CD226: variants seen among roughly 807,000 people sequenced by gnomAD.
The protein encoded by CD226 is CD226 antigen.
CD226 carries 24 observed loss-of-function variants against 34.9 expected under a neutral mutation model. The ratio of observed to expected loss-of-function variants is 0.69; its 90% CI spans 0.50 to 0.97. The LOEUF (loss-of-function observed/expected upper bound fraction) is 0.97. Ranked by LOEUF, CD226 falls within the 50% of genes least tolerant of loss-of-function variation. The pLI is 0.00. For synonymous variants in CD226, 148 were observed against 147.4 expected, an observed-to-expected ratio of 1.00 and a Z score of -0.03; for missense variants, 397 against 412.7, an observed-to-expected ratio of 0.96 and a Z score of 0.33.
chr18:69,916,531 CAAT>C (rs2055388018), intron 2 of CD226, among the ~76,000 whole-genome samples: 2 of 152,150 alleles, frequency 1.3e-5, no homozygotes, highest in South Asian at 4.1e-4. Flanking sequence ...CAACAAGAAA[CAAT>C]GATGTGTTTG....
intron 4 of CD226, among the ~76,000 whole-genome samples, chr18:69,871,884 C>T (rs896759754): frequency 1.3e-5 from 2 of 152,112 alleles, no homozygotes; most frequent in African/African-American, 4.8e-5. Context: ...CATGCCAACC[C>T]AGCCTTCAGA....
At chr18:69,939,554 T>C (rs985280882) in intron 2 of CD226, among the ~76,000 whole-genome samples, 1 of 152,228 alleles carries the variant, frequency 6.6e-6, no homozygotes, top group African/African-American at 2.4e-5. Context: ...TTGCAATCAC[T>C]GTTGCTATAA....
chr18:69,956,014 C>T (rs2055894602), intron 1 of CD226, among the ~76,000 whole-genome samples: 1 of 152,182 alleles, frequency 6.6e-6, no homozygotes, highest in African/African-American at 2.4e-5. Context: ...GCAAGTCATA[C>T]ACATGTCCCC....
At chr18:69,928,403 G>A (rs779784833) in intron 2 of CD226, among the ~76,000 whole-genome samples, 23 of 152,120 alleles carry the variant, frequency 1.5e-4, no homozygotes, top group Non-Finnish European at 2.8e-4. Context: ...CCTCATTCAG[G>A]ACAGGAGGCG....
intron 2 of CD226, among the ~76,000 whole-genome samples, chr18:69,905,539 G>C (rs536958376): frequency 2.8e-4 from 43 of 152,322 alleles, no homozygotes; most frequent in Admixed American, 8.5e-4. Flanking sequence ...CAGAGAAGGA[G>C]AGTGAGTGGA....
chr18:69,925,252 C>T (rs111237932), intron 2 of CD226, among the ~76,000 whole-genome samples: 16 of 152,324 alleles, frequency 1.1e-4, no homozygotes, highest in African/African-American at 3.8e-4. Context: ...GAGAGTCTCA[C>T]TGCTATGTCT....
rs1982962309 is a variant in CD226 at position 69,863,852 on chromosome 18, C to T, written c.*462G>A. ...AAATTTGTTTGCTCCATTTGAGAAG[C>T]AAACTCTCTACCAGACAGAAACAAG... On this transcript the variant is annotated 3_prime_UTR_variant, in exon 6 of 6. Coordinates refer to ENST00000582621, the MANE Select transcript of CD226 (RefSeq NM_001303618.2). 1 of 152,924 alleles carries T rather than the reference C, an allele frequency of 6.5e-6. No homozygotes were observed. Among genetic ancestry groups the T allele is most frequent in the African/African-American group, 2.4e-5 (1 of 41,440 alleles). The allele number at this position is 152,924 out of a possible 1,614,324, so 9.5% of individuals were successfully genotyped here.
At chr18:69,924,330 T>C (rs1438164299) in intron 2 of CD226, among the ~76,000 whole-genome samples, 2 of 152,172 alleles carry the variant, frequency 1.3e-5, no homozygotes, top group Non-Finnish European at 2.9e-5. Context: ...GAAATTTATA[T>C]TGCATTGCGG....
At chr18:69,874,016 C>CA (rs1272472083) in intron 3 of CD226, among the ~76,000 whole-genome samples, 2 of 149,702 alleles carry the variant, frequency 1.3e-5, no homozygotes, top group Non-Finnish European at 2.9e-5. Flanking sequence ...GGTAATGATA[C>CA]AAAAAATCAG....
At chr18:69,873,031 A>G (rs895054187) in intron 4 of CD226, 113 bp downstream of exon 4, 1 of 719,384 alleles carries the variant, frequency 1.4e-6, no homozygotes, top group African/African-American at 1.8e-5. Flanking sequence ...GTGTTAGAAC[A>G]GTACTCACAA....
chr18:69,919,262 T>C (rs1400102742), intron 2 of CD226, among the ~76,000 whole-genome samples: 6 of 152,188 alleles, frequency 3.9e-5, no homozygotes, highest in Non-Finnish European at 5.9e-5. Flanking sequence ...GTTTCCATAA[T>C]GCTCAAACTG....
At chr18:69,913,745 G>T (rs2145292549) in intron 2 of CD226, among the ~76,000 whole-genome samples, 1 of 152,326 alleles carries the variant, frequency 6.6e-6, no homozygotes, top group Admixed American at 6.5e-5. Context: ...TGTGGGCAGA[G>T]AACTCTTTTT....
rs909598621 is a variant in CD226 at position 69,864,032 on chromosome 18, AAGCCCTGGTAAAT to A, written c.*269_*281del. ...ATACTTAATTCTAGACACAACATTT[AAGCCCTGGTAAAT>A]AGCCCTTGCCCAAAGCTTAATCTCC... On this transcript the variant is annotated 3_prime_UTR_variant, in exon 6 of 6. Transcript: ENST00000582621. 17 of 259,736 alleles carry A rather than the reference AAGCCCTGGTAAAT, an allele frequency of 6.5e-5. No homozygotes were observed. In the Admixed American group the frequency reaches 8.6e-4, roughly 13 times the overall value. 16.1% of individuals were successfully genotyped at this position (259,736 alleles called of 1,614,324 possible).
chr18:69,909,870 GAA>G (rs2055302834), intron 2 of CD226, among the ~76,000 whole-genome samples: 1 of 152,186 alleles, frequency 6.6e-6, no homozygotes, highest in African/African-American at 2.4e-5. Flanking sequence ...TTGAAATAGA[GAA>G]TATTGGAAAG....
At chr18:69,900,270 G>A (rs1173762155) in intron 2 of CD226, among the ~76,000 whole-genome samples, 1 of 152,060 alleles carries the variant, frequency 6.6e-6, no homozygotes, top group Admixed American at 6.5e-5. Context: ...ACAGACACTG[G>A]GTCTAGTTGA....
intron 2 of CD226, among the ~76,000 whole-genome samples, chr18:69,946,378 G>A (rs904384000): frequency 1.3e-5 from 2 of 151,768 alleles, no homozygotes; most frequent in African/African-American, 2.4e-5. Flanking sequence ...CCAGCAGAAG[G>A]GAATGGTGCT....
chr18:69,896,142 T>C, intron 2 of CD226, 97 bp from the exon 3 acceptor site: 1 of 1,466,208 alleles, frequency 6.8e-7, no homozygotes, highest in Non-Finnish European at 9.0e-7. Context: ...TGATGTTACC[T>C]AACACAGTTC....
chr18:69,912,696 TG>T (rs1305142884), intron 2 of CD226, among the ~76,000 whole-genome samples: 1 of 152,256 alleles, frequency 6.6e-6, no homozygotes, highest in Non-Finnish European at 1.5e-5. Context: ...AGCTATAGTT[TG>T]AGGACTTATT....
At chr18:69,879,001 G>A (rs573723416) in intron 3 of CD226, among the ~76,000 whole-genome samples, 3 of 152,248 alleles carry the variant, frequency 2.0e-5, no homozygotes, top group East Asian at 3.9e-4. Context: ...GGCAGGTTCC[G>A]TGATGCCTCC....
Sources: allele counts gnomAD v4.1 joint callset (sites outside exome capture counted in the v4.1 genomes callset), GRCh38; gene constraint gnomAD v4.1.1; transcripts MANE v1.5; gene names NCBI Gene and HGNC (gene_info 2026-07-23, HGNC 2026-07-21).